The following SIPA1L2 variants were observed in gnomAD, a reference collection of about 807,000 sequenced individuals.
SIPA1L2 encodes the protein signal-induced proliferation-associated 1-like protein 2.
In SIPA1L2, 56 loss-of-function variants were observed where a neutral mutation model predicts 163.9. The observed-to-expected ratio is 0.34, with a 90% CI of 0.28 to 0.43. The LOEUF (loss-of-function observed/expected upper bound fraction) is 0.43, where lower values mean the gene tolerates loss of function less well. Ranked by LOEUF, SIPA1L2 falls within the 20% of genes least tolerant of loss-of-function variation. SIPA1L2 has a pLI of 1.00. For synonymous variants in SIPA1L2, 877 were observed against 865.7 expected (o/e 1.01, Z -0.23); for missense variants, 1,974 against 2,193.5 (o/e 0.90, Z 2.00).
At chr1:232,591,326 A>G (rs1425018490) in intron 1 of SIPA1L2, among the ~76,000 whole-genome samples, 1 of 152,256 alleles carries the variant, frequency 6.6e-6, no homozygotes, top group Non-Finnish European at 1.5e-5. Context: ...CAGGTACTCG[A>G]GTACTGACAT....
intron 2 of SIPA1L2, among the ~76,000 whole-genome samples, chr1:232,558,641 T>A (rs1423643298): frequency 1.3e-5 from 2 of 150,940 alleles, no homozygotes; most frequent in Admixed American, 1.3e-4. Context: ...CCCAAACAAA[T>A]TTTTTTTTTA....
chr1:232,560,474 C>T (rs1194917881), intron 2 of SIPA1L2, among the ~76,000 whole-genome samples: 1 of 152,228 alleles, frequency 6.6e-6, no homozygotes, highest in Non-Finnish European at 1.5e-5. Context: ...AAGCTGAGTA[C>T]TTACTAAAGA....
At chr1:232,507,469 T>C (rs75045767) in intron 3 of SIPA1L2, among the ~76,000 whole-genome samples, 2,340 of 152,246 alleles carry the variant, frequency 0.015, 65 homozygotes, top group African/African-American at 0.054. Context: ...TAAGATACCT[T>C]TTGCAAGTGA....
At chr1:232,528,797 C>A (rs1182695239) in intron 2 of SIPA1L2, among the ~76,000 whole-genome samples, 1 of 152,174 alleles carries the variant, frequency 6.6e-6, no homozygotes, top group African/African-American at 2.4e-5. Context: ...CCCAGGCATA[C>A]CACCCTCAAA....
intron 1 of SIPA1L2, among the ~76,000 whole-genome samples, chr1:232,628,913 T>G (rs1663221474): frequency 6.8e-6 from 1 of 146,994 alleles, no homozygotes; most frequent in Non-Finnish European, 1.5e-5. Context: ...CTTTGAGGGT[T>G]TTTTTCCTTG....
At chr1:232,408,369 A>G (rs1444197611) in intron 19 of SIPA1L2, among the ~76,000 whole-genome samples, 2 of 150,946 alleles carry the variant, frequency 1.3e-5, no homozygotes, top group Non-Finnish European at 3.0e-5. Flanking sequence ...ATATTTTTCT[A>G]TTGGAAGCTT....
At chr1:232,549,685 G>C (rs1031646966) in intron 2 of SIPA1L2, among the ~76,000 whole-genome samples, 5 of 151,992 alleles carry the variant, frequency 3.3e-5, no homozygotes, top group Admixed American at 6.6e-5. Context: ...ATTGAGGAGA[G>C]GAATCTGAGG....
chr1:232,423,145 G>A (rs962159290), intron 18 of SIPA1L2, among the ~76,000 whole-genome samples: 4 of 152,196 alleles, frequency 2.6e-5, no homozygotes, highest in Non-Finnish European at 5.9e-5. Context: ...AGTGTATTGT[G>A]TTGCAAGATG....
intron 1 of SIPA1L2, among the ~76,000 whole-genome samples, chr1:232,609,973 G>A (rs1662160771): frequency 1.3e-5 from 2 of 152,054 alleles, no homozygotes; most frequent in Admixed American, 6.6e-5. Flanking sequence ...TCTCTCACTT[G>A]TAACTTTAGT....
intron 2 of SIPA1L2, among the ~76,000 whole-genome samples, chr1:232,526,888 C>T (rs1667737612): frequency 6.6e-6 from 1 of 152,198 alleles, no homozygotes; most frequent in African/African-American, 2.4e-5. Context: ...CCCTCCCAGA[C>T]TGAAGTGTCC....
intron 2 of SIPA1L2, among the ~76,000 whole-genome samples, chr1:232,563,944 GTTTT>G (rs1264800808): frequency 1.0e-5 from 1 of 99,994 alleles, no homozygotes. Context: ...ACAAAGGTTT[GTTTT>G]TTTTTTTCGT....
chr1:232,537,123 T>A (rs1367755222), intron 2 of SIPA1L2, among the ~76,000 whole-genome samples: 1 of 152,036 alleles, frequency 6.6e-6, no homozygotes, highest in Non-Finnish European at 1.5e-5. Context: ...GTAGTCTCAG[T>A]TACTTGGGAG....
intron 2 of SIPA1L2, among the ~76,000 whole-genome samples, chr1:232,518,110 T>C (rs1476186028): frequency 3.9e-5 from 6 of 152,206 alleles, no homozygotes; most frequent in Non-Finnish European, 8.8e-5. Context: ...ATGCTGAATC[T>C]TATCATTAGG....
chr1:232,507,091 G>A (rs6672473), intron 3 of SIPA1L2, among the ~76,000 whole-genome samples: 34,371 of 151,624 alleles, frequency 0.23, 4,034 homozygotes, highest in Middle Eastern at 0.36. Context: ...GTTTTTAATG[G>A]AATGTCCTTT....
intron 10 of SIPA1L2, among the ~76,000 whole-genome samples, chr1:232,448,603 A>T (rs747328147): frequency 2.6e-5 from 4 of 152,206 alleles, no homozygotes; most frequent in Non-Finnish European, 5.9e-5. Context: ...TGTAAGTTGG[A>T]GGTGAATGGA....
intron 10 of SIPA1L2, among the ~76,000 whole-genome samples, chr1:232,447,540 G>A (rs1310542297): frequency 6.6e-6 from 1 of 152,258 alleles, no homozygotes; most frequent in African/African-American, 2.4e-5. Context: ...GAGAATGGCT[G>A]AACTTCAGTG....
At chr1:232,508,233 A>G (rs138893601) in intron 3 of SIPA1L2, among the ~76,000 whole-genome samples, 1 of 152,116 alleles carries the variant, frequency 6.6e-6, no homozygotes, top group Non-Finnish European at 1.5e-5. Flanking sequence ...ACGGAGGCCC[A>G]GCTTCATCCT....
intron 3 of SIPA1L2, among the ~76,000 whole-genome samples, chr1:232,508,742 A>G (rs1410938063): frequency 6.6e-6 from 1 of 152,220 alleles, no homozygotes; most frequent in Non-Finnish European, 1.5e-5. Context: ...TCGCCCGTGA[A>G]AGGAAGGGAC....
At chr1:232,564,432 A>G (rs1341948645) in intron 2 of SIPA1L2, among the ~76,000 whole-genome samples, 1 of 151,988 alleles carries the variant, frequency 6.6e-6, no homozygotes, top group African/African-American at 2.4e-5. Context: ...AGAGGCAGAA[A>G]ACAAAAACCA....
Sources: gnomAD v4.1 joint callset for allele counts (sites outside exome capture counted in the v4.1 genomes callset) on GRCh38, gnomAD v4.1.1 for gene constraint, MANE v1.5 for transcripts, NCBI Gene and HGNC (gene_info 2026-07-23, HGNC 2026-07-21) for gene names.